The following ACER1 variants were observed in gnomAD, a reference collection of about 807,000 sequenced individuals.
The protein encoded by ACER1 is alkaline ceramidase 1.
ACER1 carries 28 observed loss-of-function variants against 24.9 expected under a neutral mutation model. The ratio of observed to expected loss-of-function variants is 1.13; its 90% CI spans 0.83 to 1.54. The LOEUF (loss-of-function observed/expected upper bound fraction) is 1.54, where lower values mean the gene tolerates loss of function less well. ACER1 is among the 40% of genes most tolerant of loss of function. ACER1 has a pLI of 0.00. For missense variants in ACER1, 352 were observed against 349.3 expected (o/e 1.01, Z -0.06); for synonymous variants, 132 against 131.4 (o/e 1.00, Z -0.03).
In ACER1 at chr19:6,312,436, G is replaced by T; in HGVS notation, c.157C>A (p.Gln53Lys). ...LMMLLMHPYAQKRSRYIYVVW... is the reference protein window; with the variant it reads ...LMMLLMHPYAKKRSRYIYVVW... ...ACGTAAATGTAGCGGGAGCGCTTCTGGGCATACGGGTGCATCAGGAGCATC... is the reference window on the plus strand; with the variant it reads ...ACGTAAATGTAGCGGGAGCGCTTCTTGGCATACGGGTGCATCAGGAGCATC... Residue 53 changes from glutamine (Q) to lysine (K), a missense_variant, in exon 2 of 6, where the codon CAG becomes AAG. Physicochemically the swap from Gln to Lys is moderately conservative, Grantham distance 53. Coordinates refer to ENST00000301452, the MANE Select transcript of ACER1 (RefSeq NM_133492.3). 1 of 1,613,980 alleles carries T rather than the reference G, an allele frequency of 6.2e-7. No homozygotes were observed. Among genetic ancestry groups the T allele is most frequent in the Non-Finnish European group, 8.5e-7 (1 of 1,180,014 alleles).
At chr19:6,333,356 C>T in intron 1 of ACER1, 103 bp downstream of exon 1, 1 of 924,008 alleles carries the variant, frequency 1.1e-6, no homozygotes, top group East Asian at 3.0e-5. Flanking sequence ...AGGGCTGAGA[C>T]AGGTGAACCA....
chr19:6,326,083 T>C (rs2091659895), intron 1 of ACER1, among the ~76,000 whole-genome samples: 1 of 150,308 alleles, frequency 6.7e-6, no homozygotes, highest in Non-Finnish European at 1.5e-5. Context: ...GCCTCCGGAG[T>C]AGCTGGGACC....
chr19:6,312,313 T>C, intron 2 of ACER1, 23 bp from the exon 3 acceptor site: 1 of 1,613,702 alleles, frequency 6.2e-7, no homozygotes, highest in Non-Finnish European at 8.5e-7. Flanking sequence ...GGGCAGGCGG[T>C]CAGTGGGGTC....
intron 1 of ACER1, among the ~76,000 whole-genome samples, chr19:6,332,563 G>A (rs2091693274): frequency 6.6e-6 from 1 of 152,086 alleles, no homozygotes; most frequent in South Asian, 2.1e-4. Context: ...ATGAGCCATG[G>A]TGCTAGGTAC....
intron 1 of ACER1, among the ~76,000 whole-genome samples, chr19:6,325,600 C>T (rs190584192): frequency 8.5e-5 from 13 of 152,320 alleles, no homozygotes; most frequent in Non-Finnish European, 1.2e-4. Context: ...TTGCAGTGAG[C>T]CAAGATCGTG....
upstream of ACER1, among the ~76,000 whole-genome samples, chr19:6,334,614 C>T (rs111618790): frequency 9.8e-3 from 1,484 of 152,128 alleles, 14 homozygotes; most frequent in Non-Finnish European, 0.013. Context: ...CCCAAGGTGC[C>T]GGGATTATAC....
At chr19:6,307,883 T>C (rs1383964341) in intron 4 of ACER1, among the ~76,000 whole-genome samples, 1 of 151,752 alleles carries the variant, frequency 6.6e-6, no homozygotes, top group African/African-American at 2.4e-5. Context: ...GGCCAGAAGT[T>C]TGAGACCAGC....
chr19:6,355,569 G>C, the ACER1 span, among the ~76,000 whole-genome samples: 1 of 151,444 alleles, frequency 6.6e-6, no homozygotes, highest in Non-Finnish European at 1.5e-5. Context: ...CCACCCGGGA[G>C]GGAGGTGGGG....
At chr19:6,318,004 C>A (rs1207820959) in intron 1 of ACER1, among the ~76,000 whole-genome samples, 1 of 151,986 alleles carries the variant, frequency 6.6e-6, no homozygotes, top group Non-Finnish European at 1.5e-5. Context: ...ATCCACTCAC[C>A]TCAGCCTCTA....
chr19:6,312,005 A>G, intron 3 of ACER1, 144 bp downstream of exon 3: 1 of 1,150,248 alleles, frequency 8.7e-7, no homozygotes, highest in Non-Finnish European at 1.2e-6. Flanking sequence ...CAGGGTCAGG[A>G]GAAAACCCGA....
chr19:6,312,611 G>A lies in ACER1; in HGVS notation c.94-112C>T, dbSNP rs531365916. The A allele has an allele frequency of 1.8e-5, 14 of 764,648 alleles. No homozygotes were observed. The South Asian group carries it at 2.0e-4, about 11-fold the overall frequency. 47.4% of individuals were successfully genotyped at this position (764,648 alleles called of 1,614,324 possible). A position where few individuals can be genotyped will look rare whatever the true frequency, so the allele number is the denominator to read the frequency against. ...CAGTCGGTTACCTGCTGCATTTCAG[G>A]CAATGCATCAACCCAGGATTTGTCA... On this transcript the variant is annotated intron_variant, in intron 1 of 5. Transcript: ENST00000301452.
At chr19:6,318,289 G>A (rs2091613597) in intron 1 of ACER1, among the ~76,000 whole-genome samples, 1 of 151,970 alleles carries the variant, frequency 6.6e-6, no homozygotes, top group Non-Finnish European at 1.5e-5. Context: ...GGCCAACATG[G>A]AGAAACCCCA....
At chr19:6,313,244 G>A (rs758098022) in intron 1 of ACER1, among the ~76,000 whole-genome samples, 6 of 151,888 alleles carry the variant, frequency 4.0e-5, no homozygotes, top group East Asian at 3.9e-4. Context: ...TCAGCCTCCC[G>A]AGTAGCTGGG....
chr19:6,312,527 G>C (rs1168514823), intron 1 of ACER1, 28 bp from the exon 2 acceptor site: 2 of 1,584,288 alleles, frequency 1.3e-6, no homozygotes, highest in Non-Finnish European at 1.7e-6. Context: ...ATAGGGAGGA[G>C]CTCGTCAGAT....
chr19:6,334,028 T>C (rs1307794303), upstream of ACER1, among the ~76,000 whole-genome samples: 2 of 151,628 alleles, frequency 1.3e-5, no homozygotes, highest in East Asian at 3.9e-4. Context: ...CACAGGCACA[T>C]GCTGCCACCA....
At position 6,312,153 on chromosome 19, in the gene ACER1, T is replaced by TC; in HGVS notation, c.345dup (p.Asn116GlufsTer52). The TC allele has an allele frequency of 6.2e-7, 1 of 1,613,378 alleles. No individual in the cohort carries two copies. The highest frequency in any genetic ancestry group is 8.5e-7 in the Non-Finnish European group (1 of 1,179,860). On this transcript the variant is annotated frameshift_variant, in exon 3 of 6. Transcript: ENST00000301452. LOFTEE classifies it high-confidence loss of function. ...GATGGCCAGCCCCTGACCCACCTGT[T>TC]CCCCCCAAGGAAGGAGGGGAAATAG...
At chr19:6,337,899 G>A (rs556017357), upstream of ACER1, among the ~76,000 whole-genome samples, 1 of 150,100 alleles carries the variant, frequency 6.7e-6, no homozygotes, top group African/African-American at 2.4e-5. Context: ...GGATGGTCTC[G>A]ATCTCCCGAC....
Position 6,312,158 on chromosome 19 carries a change from C to T in ACER1, c.341G>A (p.Gly114Glu), listed in dbSNP as rs202029685. Residue 114 changes from glycine to glutamate, a missense_variant, in exon 3 of 6, where the codon GGG becomes GAG. Physicochemically the swap from Gly to Glu is moderately conservative, Grantham distance 98 (BLOSUM62 -2). Transcript: ENST00000301452. ...CCAGCCCCTGACCCACCTGTTCCCC[C>T]CAAGGAAGGAGGGGAAATAGCAGCG... ...MPRCYFPSFL[G>E]GNRSQFIRLV... The T allele has an allele frequency of 2.5e-6, 4 of 1,613,336 alleles. No homozygotes were observed. Among genetic ancestry groups the T allele is most frequent in the Non-Finnish European group, 3.4e-6 (4 of 1,179,698 alleles).
At position 6,309,722 on chromosome 19, in the gene ACER1, A is replaced by G. The variant is rs768948325; in HGVS notation, c.463T>C (p.Tyr155His). Residue 155 changes from tyrosine (Y) to histidine (H), a missense_variant, in exon 4 of 6, where the codon TAC becomes CAC. Physicochemically the swap from Tyr to His is moderately conservative, Grantham distance 83. Coordinates refer to ENST00000301452, the MANE Select transcript of ACER1 (RefSeq NM_133492.3). The part of the protein sequence containing the change: ...ALNSIALHIL[Y>H]IVCQEYRKTS... ...TTCCTGTACTCCTGGCACACGATGT[A>G]GAGAATGTGCAGGGCAATGCTGTTG... The G allele has an allele frequency of 5.6e-6, 9 of 1,614,010 alleles. No individual in the cohort carries two copies. Among genetic ancestry groups the G allele is most frequent in the Non-Finnish European group, 7.6e-6 (9 of 1,179,958 alleles).
Sources: gnomAD v4.1 joint callset for allele counts (sites outside exome capture counted in the v4.1 genomes callset) on GRCh38, gnomAD v4.1.1 for gene constraint, MANE v1.5 for transcripts, NCBI Gene and HGNC (gene_info 2026-07-23, HGNC 2026-07-21) for gene names.